SLC9D1: variants seen among roughly 807,000 people sequenced by gnomAD.
SLC9D1 encodes putative LAG1-interacting protein.
At chr13:113,504,736 G>A in the SLC9D1 span, 1 of 152,124 alleles carries the variant, frequency 6.6e-6, no homozygotes, top group Non-Finnish European at 1.5e-5. Context: ...TGGGCATTTG[G>A]GCTGGTTCCA....
chr13:113,511,583 G>C, the SLC9D1 span, among the ~76,000 whole-genome samples: 1 of 152,216 alleles, frequency 6.6e-6, no homozygotes, highest in Non-Finnish European at 1.5e-5. Context: ...CCTGCTAGAC[G>C]CTGGACGGGT....
At chr13:113,539,492 T>C in the SLC9D1 span, 16 of 1,612,624 alleles carry the variant, frequency 9.9e-6, no homozygotes, top group African/African-American at 1.3e-5. This position sits in a 1 kb window ranked among gnomAD's most constrained non-coding sequence, Gnocchi z 4.8. Flanking sequence ...GGCCATCGTT[T>C]TCTTCGCCTC....
At chr13:113,533,928 T>C in the SLC9D1 span, 1 of 766,244 alleles carries the variant, frequency 1.3e-6, no homozygotes, top group Admixed American at 2.5e-5. Context: ...TAAAGATGTG[T>C]ATGATTCAGG....
the SLC9D1 span, chr13:113,524,070 G>GA: frequency 1.3e-5 from 6 of 454,382 alleles, no homozygotes; most frequent in East Asian, 7.0e-5. Context: ...CACTTGGGAG[G>GA]AAAAAAAAGT....
chr13:113,513,127 T>A, the SLC9D1 span, among the ~76,000 whole-genome samples: 135 of 152,070 alleles, frequency 8.9e-4, 1 homozygote, highest in African/African-American at 3.0e-3. Context: ...AAAAGACAGG[T>A]GGTTTAAAAA....
At chr13:113,543,138 T>A in the SLC9D1 span, among the ~76,000 whole-genome samples, 10 of 46,812 alleles carry the variant, frequency 2.1e-4, no homozygotes, top group African/African-American at 9.4e-4. Flanking sequence ...CGTGACCACC[T>A]CCTCCCCGTG....
At chr13:113,495,999 G>C in the SLC9D1 span, 2 of 1,611,924 alleles carry the variant, frequency 1.2e-6, no homozygotes, top group East Asian at 2.2e-5. Context: ...GCAGCGCCTG[G>C]AGGCCCTGAG....
At chr13:113,496,511 AC>A in the SLC9D1 span, among the ~76,000 whole-genome samples, 1 of 152,256 alleles carries the variant, frequency 6.6e-6, no homozygotes, top group African/African-American at 2.4e-5. Flanking sequence ...AAGGACTTTG[AC>A]CAAGTATGCT....
At chr13:113,519,190 C>G in the SLC9D1 span, among the ~76,000 whole-genome samples, 1 of 151,988 alleles carries the variant, frequency 6.6e-6, no homozygotes, top group African/African-American at 2.4e-5. Context: ...ACTGCAGGTG[C>G]CCGCCACCAT....
chr13:113,543,221 T>A, the SLC9D1 span, among the ~76,000 whole-genome samples: 1,869 of 23,580 alleles, frequency 0.079, 165 homozygotes, highest in African/African-American at 0.19. Context: ...CGTGACCACC[T>A]CCTCCCCCTG....
chr13:113,491,295 C>G, the SLC9D1 span: 1 of 152,738 alleles, frequency 6.5e-6, no homozygotes, highest in Admixed American at 6.5e-5. Context: ...GCCCGTCCAT[C>G]CGGGGCTCTT....
the SLC9D1 span, chr13:113,534,659 C>T: frequency 9.7e-6 from 2 of 205,166 alleles, no homozygotes; most frequent in East Asian, 1.3e-4. Flanking sequence ...GGCGTGGTCG[C>T]GCTCATGTAT....
chr13:113,509,050 G>C, the SLC9D1 span, among the ~76,000 whole-genome samples: 5 of 143,538 alleles, frequency 3.5e-5, no homozygotes, highest in Non-Finnish European at 6.0e-5. Context: ...GACACTGCCT[G>C]TGTATGTTGG....
the SLC9D1 span, chr13:113,534,602 A>C: frequency 3.4e-6 from 1 of 297,236 alleles, no homozygotes; most frequent in Non-Finnish European, 6.2e-6. Context: ...CAGCCAGGAC[A>C]ACAGAGTGAG....
the SLC9D1 span, chr13:113,527,354 T>C: frequency 1.3e-5 from 2 of 152,182 alleles, no homozygotes; most frequent in African/African-American, 2.4e-5. Context: ...CATTCTTTCA[T>C]GGTTAATCTG....
the SLC9D1 span, among the ~76,000 whole-genome samples, chr13:113,525,364 A>G: frequency 6.6e-6 from 1 of 152,234 alleles, no homozygotes; most frequent in Non-Finnish European, 1.5e-5. Flanking sequence ...TGCCAATCAT[A>G]TAAAAGGCTC....
the SLC9D1 span, among the ~76,000 whole-genome samples, chr13:113,491,772 C>T: frequency 6.6e-6 from 1 of 152,266 alleles, no homozygotes; most frequent in African/African-American, 2.4e-5. Context: ...CCTGGCCCCC[C>T]TCCTGTGACT....
chr13:113,517,194 A>G, the SLC9D1 span, among the ~76,000 whole-genome samples: 4 of 152,198 alleles, frequency 2.6e-5, no homozygotes, highest in African/African-American at 9.6e-5. Flanking sequence ...AGCGAGGGGA[A>G]AGGAGGTTTC....
the SLC9D1 span, chr13:113,495,593 G>A: frequency 6.5e-7 from 1 of 1,539,938 alleles, no homozygotes; most frequent in South Asian, 1.3e-5. Flanking sequence ...TGAAGGTGTT[G>A]GGAAGAAGCT....
Sources: allele counts gnomAD v4.1 joint callset (sites outside exome capture counted in the v4.1 genomes callset), GRCh38; gene constraint gnomAD v4.1.1; non-coding constraint Gnocchi (gnomAD v3.1); transcripts MANE v1.5; gene names NCBI Gene and HGNC (gene_info 2026-07-23, HGNC 2026-07-21).